The following ERC2 variants were observed in gnomAD, a reference collection of about 807,000 sequenced individuals.
ERC2 encodes ERC protein 2.
ERC2 carries 42 observed loss-of-function variants against 114.8 expected under a neutral mutation model. That is an observed-to-expected ratio of 0.37 (90% CI 0.29 to 0.47). The LOEUF is 0.47. ERC2 is among the 20% of genes least tolerant of loss of function. The pLI is 0.99. For synonymous variants in ERC2, 454 were observed against 425.5 expected (o/e 1.07, Z -0.82); for missense variants, 939 against 1,150.7 (o/e 0.82, Z 2.66).
intron 17 of ERC2, among the ~76,000 whole-genome samples, chr3:55,589,028 C>G (rs2057736326): frequency 6.6e-6 from 1 of 151,982 alleles, no homozygotes; most frequent in Admixed American, 6.6e-5. Context: ...TTTGAATTCA[C>G]TTATTAGCTG....
intron 17 of ERC2, among the ~76,000 whole-genome samples, chr3:55,554,404 C>A (rs2107443584): frequency 6.6e-6 from 1 of 152,296 alleles, no homozygotes; most frequent in African/African-American, 2.4e-5. Context: ...GCCTTTCAGG[C>A]ATTTTCCGTC....
intron 1 of ERC2, among the ~76,000 whole-genome samples, chr3:56,456,828 C>T (rs908041434): frequency 1.3e-5 from 2 of 152,180 alleles, no homozygotes; most frequent in Admixed American, 6.5e-5. Context: ...ACTAAAACTA[C>T]TTGTCGGCAG....
At chr3:55,636,969 C>T (rs2059982808) in intron 17 of ERC2, among the ~76,000 whole-genome samples, 1 of 152,180 alleles carries the variant, frequency 6.6e-6, no homozygotes, top group Non-Finnish European at 1.5e-5. Context: ...TCCAATCATT[C>T]ACTGTGCCCT....
At chr3:55,905,594 C>T (rs145313913) in intron 13 of ERC2, among the ~76,000 whole-genome samples, 23 of 152,150 alleles carry the variant, frequency 1.5e-4, no homozygotes, top group Non-Finnish European at 3.1e-4. Flanking sequence ...AATTTTCACA[C>T]CTATAAGCAT....
intron 3 of ERC2, among the ~76,000 whole-genome samples, chr3:56,284,570 G>A (rs2054554274): frequency 1.3e-5 from 2 of 152,166 alleles, no homozygotes; most frequent in Non-Finnish European, 2.9e-5. Flanking sequence ...GGAAGAGGCA[G>A]TTCATGTAGA....
At chr3:55,996,939 C>G (rs563202885) in intron 10 of ERC2, among the ~76,000 whole-genome samples, 1 of 152,202 alleles carries the variant, frequency 6.6e-6, no homozygotes, top group African/African-American at 2.4e-5. Flanking sequence ...TGTCAAGTAT[C>G]AAAATCATAC....
At position 55,518,588 on chromosome 3, in the gene ERC2, T is replaced by A. The variant is rs565726421; in HGVS notation, c.*40-7312A>T. Among the ~76,000 whole-genome samples, 14 of 152,350 alleles carry A rather than the reference T, an allele frequency of 9.2e-5. No homozygotes were observed. The South Asian group carries it at 2.9e-3, about 32-fold the overall frequency. ...TTGGCATTTTGCCAAGCTTCCTTGT[T>A]AAAAATTTGTTAAACGTGTTTGGCA... On this transcript the variant is annotated intron_variant, in intron 17 of 17. Coordinates refer to ENST00000288221, the MANE Select transcript of ERC2 (RefSeq NM_015576.3).
chr3:56,032,336 A>G (rs2074422528), intron 7 of ERC2, among the ~76,000 whole-genome samples: 1 of 152,248 alleles, frequency 6.6e-6, no homozygotes, highest in Non-Finnish European at 1.5e-5. Context: ...AAACTCAAAG[A>G]CAGATCCTTG....
chr3:56,437,421 T>C (rs931198519), intron 1 of ERC2, among the ~76,000 whole-genome samples: 15 of 152,248 alleles, frequency 9.9e-5, no homozygotes, highest in African/African-American at 3.6e-4. Flanking sequence ...TGATGTTTTG[T>C]GGTGGACTGT....
At chr3:56,040,687 T>TGGG (rs1433719088) in intron 7 of ERC2, among the ~76,000 whole-genome samples, 1 of 141,130 alleles carries the variant, frequency 7.1e-6, no homozygotes, top group Non-Finnish European at 1.5e-5. Flanking sequence ...TACATATATC[T>TGGG]CTATATAGAG....
chr3:55,520,928 T>A (rs2052884048), intron 17 of ERC2, among the ~76,000 whole-genome samples: 1 of 152,188 alleles, frequency 6.6e-6, no homozygotes, highest in African/African-American at 2.4e-5. Flanking sequence ...GGGAAAGAGA[T>A]GCCCCCTCCT....
At chr3:56,346,857 G>T (rs1289492117) in intron 2 of ERC2, among the ~76,000 whole-genome samples, 1 of 152,172 alleles carries the variant, frequency 6.6e-6, no homozygotes, top group Non-Finnish European at 1.5e-5. Context: ...TGGAGAAAGG[G>T]CAAGGAGAGA....
intron 12 of ERC2, among the ~76,000 whole-genome samples, chr3:55,951,936 C>A (rs1041260261): frequency 1.3e-5 from 2 of 151,776 alleles, no homozygotes; most frequent in Admixed American, 6.6e-5. Context: ...CCATTCCAAG[C>A]AAACGAAGCA....
chr3:56,467,485 T>G (rs1402872756), intron 1 of ERC2, among the ~76,000 whole-genome samples: 2 of 152,142 alleles, frequency 1.3e-5, no homozygotes, highest in African/African-American at 2.4e-5. Context: ...CGAGCGCTAT[T>G]TTATTACCCC....
At chr3:56,441,839 C>T (rs955750219) in intron 1 of ERC2, among the ~76,000 whole-genome samples, 3 of 152,062 alleles carry the variant, frequency 2.0e-5, no homozygotes, top group Non-Finnish European at 2.9e-5. Context: ...GAGCCACCAT[C>T]CCCAGCCTTC....
chr3:55,925,665 A>G (rs187594832), intron 13 of ERC2, among the ~76,000 whole-genome samples: 15 of 152,296 alleles, frequency 9.8e-5, no homozygotes, highest in Non-Finnish European at 1.5e-5. Flanking sequence ...CCCAGCAAAC[A>G]GGAAATCTGG....
At chr3:56,040,163 G>A (rs2075044529) in intron 7 of ERC2, among the ~76,000 whole-genome samples, 1 of 152,070 alleles carries the variant, frequency 6.6e-6, no homozygotes, top group Non-Finnish European at 1.5e-5. Flanking sequence ...AAACTAAAAA[G>A]CTTTTGCACA....
chr3:56,342,187 C>T (rs766233592), intron 2 of ERC2, among the ~76,000 whole-genome samples: 2 of 152,214 alleles, frequency 1.3e-5, no homozygotes, highest in Non-Finnish European at 2.9e-5. Context: ...CTCAAATGTC[C>T]CAGACCATTT....
At position 56,445,548 on chromosome 3, in the gene ERC2, T is replaced by C. The variant is rs533981832; in HGVS notation, c.-140-10401A>G. Among the ~76,000 whole-genome samples, 10 of 152,356 alleles carry C rather than the reference T, an allele frequency of 6.6e-5. No individual in the cohort carries two copies. In the South Asian group the frequency reaches 2.1e-3, roughly 32 times the overall value. ...CTGTTTTAAGATACAATTACGATTATAAAATATCTCCCCTTACCCACTTAA... is the reference window on the plus strand; with the variant it reads ...CTGTTTTAAGATACAATTACGATTACAAAATATCTCCCCTTACCCACTTAA... On this transcript the variant is annotated intron_variant, in intron 1 of 17. Transcript: ENST00000288221.
Sources: gnomAD v4.1 joint callset for allele counts (sites outside exome capture counted in the v4.1 genomes callset) on GRCh38, gnomAD v4.1.1 for gene constraint, MANE v1.5 for transcripts, NCBI Gene and HGNC (gene_info 2026-07-23, HGNC 2026-07-21) for gene names.